DCN: variants seen among roughly 807,000 people sequenced by gnomAD.
The protein encoded by DCN is bone proteoglycan II.
DCN carries 17 observed loss-of-function variants against 36.5 expected under a neutral mutation model. That is an observed-to-expected ratio of 0.47 (90% confidence interval 0.32 to 0.70). The LOEUF is 0.70. Among genes scored for constraint, DCN ranks in the 30% least tolerant of loss-of-function variants. The probability of loss-of-function intolerance (pLI) is 0.04; values close to 1 mark genes in which losing one functional copy is unlikely to be tolerated. For synonymous variants in DCN, 163 were observed against 161.4 expected (o/e 1.01, Z -0.07); for missense variants, 389 against 430.1 (o/e 0.90, Z 0.84).
In DCN at chr12:91,144,590, T is replaced by A. The variant is rs1320842409; in HGVS notation, c.*1468A>T. 6.6e-6 allele frequency: 1 copy of A among 152,186 alleles called. No individual in the cohort carries two copies. Among genetic ancestry groups the A allele is most frequent in the African/African-American group, 2.4e-5 (1 of 41,450 alleles). 9.4% of individuals were successfully genotyped at this position (152,186 alleles called of 1,614,324 possible). ...TAATATTACCTCGGGATATGTCAAA[T>A]GTAAATGAAAATTATTGCTTCTGTT... On this transcript the variant is annotated 3_prime_UTR_variant, in exon 8 of 8. Coordinates refer to ENST00000052754, the MANE Select transcript of DCN (RefSeq NM_001920.5).
In DCN at chr12:91,158,505, A is replaced by C; in HGVS notation, c.329T>G (p.Leu110Trp). The C allele has an allele frequency of 6.6e-7, 1 of 1,524,502 alleles. No homozygotes were observed. The highest frequency in any genetic ancestry group is 9.1e-7 in the Non-Finnish European group (1 of 1,098,356). The allele number at this position is 1,524,502 out of a possible 1,614,324, so 94.4% of individuals were successfully genotyped here. A position where few individuals can be genotyped will look rare whatever the true frequency, so the allele number is the denominator to read the frequency against. ...GCTAATTTTATTGTTGACAAGAATC[A>C]ATGCCTGTAGATAGTGAAGAAAAAC... ...DFKNLKNLHA[L>W]ILVNNKISKV... The change falls in exon 4 of 8, where the codon TTG becomes TGG. Residue 110 changes from leucine to tryptophan, a missense_variant. Physicochemically the swap from Leu to Trp is moderately conservative, Grantham distance 61. Coordinates refer to ENST00000052754, the MANE Select transcript of DCN (RefSeq NM_001920.5).
Position 91,169,378 on chromosome 12 carries a change from C to CTAAAAAAAAAA in DCN, c.212-4662_212-4661insTTTTTTTTTTA, listed in dbSNP as rs71097880. Among the ~76,000 whole-genome samples, 11 of 73,400 alleles carry CTAAAAAAAAAA rather than the reference C, an allele frequency of 1.5e-4. 2 individuals carry two copies. Among genetic ancestry groups the CTAAAAAAAAAA allele is most frequent in the Admixed American group, 2.1e-4 (1 of 4,678 alleles). 48.2% of individuals were successfully genotyped at this position (73,400 alleles called of 152,430 possible). On this transcript the variant is annotated intron_variant, in intron 2 of 7. Coordinates refer to ENST00000052754, the MANE Select transcript of DCN (RefSeq NM_001920.5). ...CCTAGGCAACAGGGGGAGATCCTGT[C>CTAAAAAAAAAA]AAAAAAAAAAAAAAAAAAAAAAACC...
chr12:91,148,401 A>T (rs1211523908), intron 7 of DCN, among the ~76,000 whole-genome samples: 4 of 151,728 alleles, frequency 2.6e-5, no homozygotes, highest in African/African-American at 9.7e-5. Context: ...GAGCTATAAA[A>T]CCTATGAAGT....
chr12:91,162,292 A>T (rs901736227), intron 3 of DCN, among the ~76,000 whole-genome samples: 4 of 151,886 alleles, frequency 2.6e-5, no homozygotes, highest in African/African-American at 7.3e-5. Flanking sequence ...TTAGAAAAAA[A>T]TTTTTCTTCC....
At chr12:91,158,622 T>C in intron 3 of DCN, 113 bp from the exon 4 acceptor site, 1 of 721,472 alleles carries the variant, frequency 1.4e-6, no homozygotes, top group Admixed American at 2.2e-5. Flanking sequence ...ATCTAAAAAA[T>C]TGCAAGAAAT....
At chr12:91,146,545 G>T (rs547394487) in intron 7 of DCN, among the ~76,000 whole-genome samples, 2 of 151,604 alleles carry the variant, frequency 1.3e-5, no homozygotes, top group Non-Finnish European at 2.9e-5. Context: ...GTAGAGTTGG[G>T]TTTTCACCAT....
chr12:91,182,065 A>G (rs955706053), intron 1 of DCN, among the ~76,000 whole-genome samples: 2 of 152,136 alleles, frequency 1.3e-5, no homozygotes, highest in African/African-American at 4.8e-5. Flanking sequence ...GACACTTTAC[A>G]TTTAAGAAAT....
At chr12:91,158,973 G>A (rs977932221) in intron 3 of DCN, among the ~76,000 whole-genome samples, 1 of 151,058 alleles carries the variant, frequency 6.6e-6, no homozygotes, top group Non-Finnish European at 1.5e-5. Context: ...AAAAAAAAAA[G>A]TTATAATATG....
rs1880727020 is a variant in DCN at position 91,140,604 on chromosome 12, A to C, written c.*5454T>G. On this transcript the variant is annotated 3_prime_UTR_variant, in exon 8 of 8. Coordinates refer to ENST00000052754, the MANE Select transcript of DCN (RefSeq NM_001920.5). ...ACAGTATGATTGCTTAGTTTGGACA[A>C]AGTCAAGTCATTTCTGTGCTGATAA... 6.6e-6 allele frequency: 1 copy of C among 152,190 alleles called. No individual in the cohort carries two copies. Among genetic ancestry groups the C allele is most frequent in the African/African-American group, 2.4e-5 (1 of 41,448 alleles). 9.4% of individuals were successfully genotyped at this position (152,190 alleles called of 1,614,324 possible).
rs1041208306 is a variant in DCN at position 91,142,689 on chromosome 12, G to T, written c.*3369C>A. On this transcript the variant is annotated 3_prime_UTR_variant, in exon 8 of 8. Coordinates refer to ENST00000052754, the MANE Select transcript of DCN (RefSeq NM_001920.5). Reference sequence around the variant, plus strand: ...TGTGTCACTTGAATAAACTAAGATGGCTGTACTGAAGACAGAAAGTGGTAT... The same window carrying T: ...TGTGTCACTTGAATAAACTAAGATGTCTGTACTGAAGACAGAAAGTGGTAT... The T allele has an allele frequency of 1.2e-4, 18 of 152,162 alleles. No homozygotes were observed. The allele number at this position is 152,162 out of a possible 1,614,324, so 9.4% of individuals were successfully genotyped here. A position where few individuals can be genotyped will look rare whatever the true frequency, so the allele number is the denominator to read the frequency against.
At chr12:91,152,920 A>T (rs1401637379) in intron 6 of DCN, among the ~76,000 whole-genome samples, 176 bp downstream of exon 6, 2 of 152,126 alleles carry the variant, frequency 1.3e-5, no homozygotes, top group East Asian at 1.9e-4. Context: ...GCACTATTTC[A>T]TTGGCTTCTT....
intron 7 of DCN, among the ~76,000 whole-genome samples, chr12:91,147,756 A>C (rs1881121005): frequency 6.6e-6 from 1 of 152,370 alleles, no homozygotes; most frequent in South Asian, 2.1e-4. Context: ...AGAAATTCTT[A>C]AATATTTAAA....
intron 3 of DCN, among the ~76,000 whole-genome samples, chr12:91,161,105 C>T (rs148132629): frequency 9.2e-5 from 14 of 152,242 alleles, no homozygotes; most frequent in Non-Finnish European, 1.5e-4. Context: ...AAAATAGCTG[C>T]TTAACATCCT....
intron 2 of DCN, chr12:91,175,248 A>G (rs1883222285): frequency 6.6e-6 from 1 of 152,004 alleles, no homozygotes; most frequent in Admixed American, 6.6e-5. Flanking sequence ...TTGTGGTTCC[A>G]ATTACAAGGT....
At chr12:91,156,467 T>C (rs1334798110) in intron 5 of DCN, among the ~76,000 whole-genome samples, 2 of 152,206 alleles carry the variant, frequency 1.3e-5, no homozygotes, top group African/African-American at 4.8e-5. Flanking sequence ...ACTTGACAGA[T>C]AAAGAGATAG....
intron 1 of DCN, 30 bp from the exon 2 acceptor site, chr12:91,178,615 G>C (rs1883445319): frequency 7.4e-7 from 1 of 1,348,112 alleles, no homozygotes; most frequent in Admixed American, 1.7e-5. Context: ...TTTAAGAAGA[G>C]TAGCACTGCC....
intron 3 of DCN, 35 bp downstream of exon 3, chr12:91,164,570 T>C (rs755689229): frequency 7.6e-6 from 9 of 1,178,018 alleles, no homozygotes; most frequent in Middle Eastern, 3.8e-4. Flanking sequence ...CCTTGAGTCT[T>C]ATCTTATTGT....
Position 91,158,500 on chromosome 12 carries a change from G to C in DCN, c.334C>G (p.Leu112Val). ...KNLKNLHALILVNNKISKVSP... is the reference protein window; with the variant it reads ...KNLKNLHALIVVNNKISKVSP... ...ACTTTGCTAATTTTATTGTTGACAA[G>C]AATCAATGCCTGTAGATAGTGAAGA... Residue 112 changes from leucine (L) to valine (V), a missense_variant, in exon 4 of 8, where the codon CTT becomes GTT. Transcript: ENST00000052754. The C allele has an allele frequency of 2.6e-6, 4 of 1,551,878 alleles. No individual in the cohort carries two copies. Among genetic ancestry groups the C allele is most frequent in the Middle Eastern group, 1.7e-4 (1 of 5,934 alleles).
intron 5 of DCN, among the ~76,000 whole-genome samples, chr12:91,154,688 T>A (rs1592684333): frequency 6.6e-6 from 1 of 152,176 alleles, no homozygotes; most frequent in East Asian, 1.9e-4. Context: ...ATTTTATTTA[T>A]TTGTTTGTTC....
Sources: gnomAD v4.1 joint callset for allele counts (sites outside exome capture counted in the v4.1 genomes callset) on GRCh38, gnomAD v4.1.1 for gene constraint, MANE v1.5 for transcripts, NCBI Gene and HGNC (gene_info 2026-07-23, HGNC 2026-07-21) for gene names.